Variants in PSMD11 observed in about 807,000 individuals in gnomAD.
PSMD11 encodes 26S proteasome non-ATPase regulatory subunit 11.
A neutral mutation model predicts 62.3 loss-of-function variants in PSMD11; 5 were observed. That is an observed-to-expected ratio of 0.08 (90% CI 0.04 to 0.17). The LOEUF is 0.17. Among genes scored for constraint, PSMD11 ranks in the 10% least tolerant of loss-of-function variants. PSMD11 has a pLI of 1.00. For missense variants in PSMD11, 310 were observed against 512.9 expected, an observed-to-expected ratio of 0.60 and a Z score of 3.82; for synonymous variants, 191 against 191.8, an observed-to-expected ratio of 1.00 and a Z score of 0.03.
chr17:32,445,994 A>G (rs1238938424), intron 1 of PSMD11: 1 of 152,212 alleles, frequency 6.6e-6, no homozygotes, highest in Non-Finnish European at 1.5e-5. Flanking sequence ...TAATGTGAGG[A>G]GCATGAATTT....
chr17:32,477,373 T>C (rs916537391), intron 8 of PSMD11, 148 bp from the exon 9 acceptor site: 25 of 565,466 alleles, frequency 4.4e-5, no homozygotes, highest in Non-Finnish European at 6.2e-5. Context: ...TTGCGGCTCT[T>C]CTTCCCGGGC....
At position 32,482,000 on chromosome 17, in the gene PSMD11, T is replaced by C. The variant is rs1412403249; in HGVS notation, c.*1248T>C. On this transcript the variant is annotated 3_prime_UTR_variant, in exon 14 of 14. Transcript: ENST00000261712. ...TTGGGTAGGTGAGCTTCTGCACTTC[T>C]GTTGTGCTGAACTGTATTTTCTTCT... 2 of 152,204 alleles carry C rather than the reference T, an allele frequency of 1.3e-5. No homozygotes were observed. The highest frequency in any genetic ancestry group is 2.9e-5 in the Non-Finnish European group (2 of 68,032). The allele number at this position is 152,204 out of a possible 1,614,324, so 9.4% of individuals were successfully genotyped here. A position where few individuals can be genotyped will look rare whatever the true frequency, so the allele number is the denominator to read the frequency against.
chr17:32,464,940 G>C (rs950766625), intron 5 of PSMD11, among the ~76,000 whole-genome samples: 1 of 152,026 alleles, frequency 6.6e-6, no homozygotes, highest in Admixed American at 6.6e-5. Context: ...TTGGCTTACT[G>C]TCCTATTTAC....
intron 3 of PSMD11, among the ~76,000 whole-genome samples, chr17:32,459,143 T>TATATA (rs1185866837): frequency 7.1e-6 from 1 of 141,078 alleles, no homozygotes; most frequent in African/African-American, 2.6e-5. Flanking sequence ...TATATATGTA[T>TATATA]TTTTTTTTTT....
chr17:32,474,380 C>T lies in PSMD11; in HGVS notation c.789-384C>T, dbSNP rs541983850. Among the ~76,000 whole-genome samples, 22 of 152,274 alleles carry T rather than the reference C, an allele frequency of 1.4e-4. No individual in the cohort carries two copies. In the East Asian group the frequency reaches 4.2e-3, roughly 29 times the overall value. On this transcript the variant is annotated intron_variant, in intron 7 of 13. Coordinates refer to ENST00000261712, the MANE Select transcript of PSMD11 (RefSeq NM_002815.4). Reference sequence around the variant, plus strand: ...TTATAAAGAAGTCTACAGAATTATTCAATTCTTTTGGGAATAAATGAAATA... The same window carrying T: ...TTATAAAGAAGTCTACAGAATTATTTAATTCTTTTGGGAATAAATGAAATA...
chr17:32,477,168 G>C (rs551545124), intron 8 of PSMD11: 13 of 213,064 alleles, frequency 6.1e-5, no homozygotes, highest in Middle Eastern at 1.6e-3. Context: ...AGGAGTTTGG[G>C]TGGATGTGGC....
intron 5 of PSMD11, among the ~76,000 whole-genome samples, chr17:32,467,794 T>A (rs1002372100): frequency 6.6e-6 from 1 of 152,210 alleles, no homozygotes; most frequent in Non-Finnish European, 1.5e-5. Flanking sequence ...TTATTTTTTA[T>A]TCTGAAGTTC....
At chr17:32,450,219 T>A (rs1323178962) in intron 2 of PSMD11, among the ~76,000 whole-genome samples, 1 of 151,674 alleles carries the variant, frequency 6.6e-6, no homozygotes, top group Non-Finnish European at 1.5e-5. Flanking sequence ...CCTCAGCCTT[T>A]CAAAGTGTTG....
intron 3 of PSMD11, among the ~76,000 whole-genome samples, chr17:32,457,380 G>A (rs775902103): frequency 6.6e-6 from 1 of 151,982 alleles, no homozygotes; most frequent in Non-Finnish European, 1.5e-5. Flanking sequence ...TGGAACTACA[G>A]GCATGCACCA....
At chr17:32,466,040 G>C (rs185151036) in intron 5 of PSMD11, among the ~76,000 whole-genome samples, 3 of 152,242 alleles carry the variant, frequency 2.0e-5, no homozygotes, top group Admixed American at 2.0e-4. Context: ...CTGTCGTCCA[G>C]GCTGGAGTGC....
rs561506613 is a variant in PSMD11 at position 32,460,740 on chromosome 17, G to A, written c.319-3309G>A. 2.0e-5 allele frequency among the ~76,000 whole-genome samples: 3 copies of A among 148,748 alleles called. No individual in the cohort carries two copies. The Admixed American group carries it at 2.0e-4, about 10-fold the overall frequency. ...GTGAGCGCCACTGCACTCCAGCCTG[G>A]GTGAGACACTGTCTCAAAAAAAAAA... On this transcript the variant is annotated intron_variant, in intron 3 of 13. Coordinates refer to ENST00000261712, the MANE Select transcript of PSMD11 (RefSeq NM_002815.4).
intron 5 of PSMD11, among the ~76,000 whole-genome samples, chr17:32,464,888 T>C (rs1907950138): frequency 6.6e-6 from 1 of 152,116 alleles, no homozygotes. Flanking sequence ...TTGCATATAG[T>C]ACTCTGTTAA....
chr17:32,455,795 T>C (rs1217728174), intron 3 of PSMD11, among the ~76,000 whole-genome samples: 1 of 152,178 alleles, frequency 6.6e-6, no homozygotes, highest in Non-Finnish European at 1.5e-5. Context: ...ATGAAAAAAT[T>C]AAAAGTTATT....
At chr17:32,448,513 A>G (rs574953165) in intron 2 of PSMD11, among the ~76,000 whole-genome samples, 92 of 151,870 alleles carry the variant, frequency 6.1e-4, no homozygotes, top group Non-Finnish European at 1.0e-3. Flanking sequence ...GATTGCCAGC[A>G]TGCGCCACTA....
chr17:32,460,532 T>C (rs1907795943), intron 3 of PSMD11, among the ~76,000 whole-genome samples: 1 of 152,046 alleles, frequency 6.6e-6, no homozygotes, highest in African/African-American at 2.4e-5. Flanking sequence ...CCCAGCACTT[T>C]GGGAGGCCGA....
chr17:32,479,717 C>T, intron 10 of PSMD11, 134 bp from the exon 11 acceptor site: 3 of 1,054,502 alleles, frequency 2.8e-6, no homozygotes, highest in Non-Finnish European at 4.3e-6. Context: ...GAACAAGAGA[C>T]TTAAGCACGG....
At chr17:32,460,815 G>A (rs1004622211) in intron 3 of PSMD11, among the ~76,000 whole-genome samples, 2 of 151,690 alleles carry the variant, frequency 1.3e-5, no homozygotes, top group African/African-American at 4.8e-5. Flanking sequence ...TATTCCCAAA[G>A]TTGGTATGAT....
chr17:32,444,566 C>T lies in PSMD11; in HGVS notation c.43C>T (p.Leu15=). The T allele has an allele frequency of 1.2e-6, 2 of 1,611,582 alleles. No individual in the cohort carries two copies. The highest frequency in any genetic ancestry group is 1.1e-5 in the South Asian group (1 of 90,986). Residue 15 remains leucine (L), a synonymous_variant, in exon 1 of 14, where the codon CTA becomes TTA. Transcript: ENST00000261712. ...GGTGGAGTTCCAGAGAGCCCAGTCT[C>T]TACTCAGCACCGACCGGGAGGCCTC... ...AVVEFQRAQS[L]LSTDREASID...
At chr17:32,469,669 T>C (rs970186252) in intron 6 of PSMD11, among the ~76,000 whole-genome samples, 5 of 151,996 alleles carry the variant, frequency 3.3e-5, no homozygotes, top group African/African-American at 7.2e-5. Context: ...AAGCCATGGA[T>C]TGGCAGGTGG....
Sources: gnomAD v4.1 joint callset for allele counts (sites outside exome capture counted in the v4.1 genomes callset) on GRCh38, gnomAD v4.1.1 for gene constraint, MANE v1.5 for transcripts, NCBI Gene and HGNC (gene_info 2026-07-23, HGNC 2026-07-21) for gene names.